COL1A2: variants seen among roughly 807,000 people sequenced by gnomAD.
COL1A2 encodes collagen alpha-2(I) chain.
COL1A2 carries 49 observed loss-of-function variants against 174.3 expected under a neutral mutation model. That is an observed-to-expected ratio of 0.28 (90% CI 0.22 to 0.36). The LOEUF (loss-of-function observed/expected upper bound fraction) is 0.36. COL1A2 is among the 10% of genes least tolerant of loss of function. The probability of loss-of-function intolerance (pLI) is 1.00; values close to 1 mark genes in which losing one functional copy is unlikely to be tolerated. For missense variants in COL1A2, 1,438 were observed against 1,822.7 expected, an observed-to-expected ratio of 0.79 and a Z score of 3.84; for synonymous variants, 655 against 606.6, an observed-to-expected ratio of 1.08 and a Z score of -1.17.
At chr7:94,426,724 T>C (rs1792285690) in intron 46 of COL1A2, 194 bp downstream of exon 46, 2 of 653,820 alleles carry the variant, frequency 3.1e-6, no homozygotes, top group Non-Finnish European at 5.4e-6. Flanking sequence ...TTAAGGGAGA[T>C]AGAAATAGAC....
Position 94,411,167 on chromosome 7 carries a change from C to G in COL1A2, c.1350+13C>G. 1 of 1,554,828 alleles carries G rather than the reference C, an allele frequency of 6.4e-7. No individual in the cohort carries two copies. The highest frequency in any genetic ancestry group is 8.7e-7 in the Non-Finnish European group (1 of 1,145,148). ...CATGGGACCCAGAGTAAGTTTCAAA[C>G]TGATTCTGAGCAAATCACACCTGGC... is the stretch of plus-strand genomic sequence containing the variant. On this transcript the variant is annotated intron_variant, in intron 23 of 51. Transcript: ENST00000297268.
chr7:94,399,635 A>G lies in COL1A2; in HGVS notation c.132+551A>G, dbSNP rs149103478. On this transcript the variant is annotated intron_variant, in intron 4 of 51. Transcript: ENST00000297268. Reference sequence around the variant, plus strand: ...ATATGAATACCTATATCTTATATCTATTAGGAAGAGGAGACTTACATGTAT... The same window carrying G: ...ATATGAATACCTATATCTTATATCTGTTAGGAAGAGGAGACTTACATGTAT... Among the ~76,000 whole-genome samples the G allele has an allele frequency of 2.7e-3, 405 of 152,348 alleles. 1 individual carries two copies. The highest frequency in any genetic ancestry group is 9.3e-3 in the African/African-American group (386 of 41,568).
At chr7:94,411,730 C>T (rs1179725613) in intron 23 of COL1A2, among the ~76,000 whole-genome samples, 3 of 152,140 alleles carry the variant, frequency 2.0e-5, no homozygotes, top group Admixed American at 2.0e-4. Flanking sequence ...AAGAAATCCA[C>T]TTTGGAAATT....
At chr7:94,398,524 TA>T (rs1262242107) in intron 3 of COL1A2, 128 bp downstream of exon 3, 2 of 357,764 alleles carry the variant, frequency 5.6e-6, no homozygotes, top group African/African-American at 4.4e-5. Context: ...ATACATTAGC[TA>T]AAGCATAAAA....
rs2115913386 is a variant in COL1A2 at position 94,415,276 on chromosome 7, T to C, written c.1764+6T>C. 1 of 1,613,402 alleles carries C rather than the reference T, an allele frequency of 6.2e-7. No individual in the cohort carries two copies. The highest frequency in any genetic ancestry group is 2.2e-5 in the East Asian group (1 of 44,858). ...CTGGTCCTGCTGGTCCAAGAGTAAG[T>C]GTTACTTCATTAACTTTCATAAACT... is the stretch of plus-strand genomic sequence containing the variant. On this transcript the variant is annotated splice_donor_region_variant and intron_variant, in intron 30 of 51. Transcript: ENST00000297268.
chr7:94,409,898 A>G (rs1791883055), intron 19 of COL1A2, 77 bp downstream of exon 19: 1 of 1,380,962 alleles, frequency 7.2e-7, no homozygotes, highest in African/African-American at 1.4e-5. Flanking sequence ...CTAGACTTCC[A>G]CTTGTAGTTT....
chr7:94,405,420 T>C (rs929074362), intron 10 of COL1A2, among the ~76,000 whole-genome samples, 168 bp downstream of exon 10: 1 of 152,188 alleles, frequency 6.6e-6, no homozygotes, highest in African/African-American at 2.4e-5. Flanking sequence ...GCATATACAT[T>C]TTATTCATGC....
Position 94,414,235 on chromosome 7 carries a change from C to G in COL1A2, c.1679C>G (p.Pro560Arg). 1 of 1,613,316 alleles carries G rather than the reference C, an allele frequency of 6.2e-7. No individual in the cohort carries two copies. Among genetic ancestry groups the G allele is most frequent in the Non-Finnish European group, 8.5e-7 (1 of 1,179,824 alleles). Residue 560 changes from proline (P) to arginine (R), a missense_variant, in exon 29 of 52, where the codon CCC becomes CGC. Pro to Arg is a moderately radical substitution (Grantham distance 103, BLOSUM62 -2). Around this residue, in one of 3 missense-constraint regions of COL1A2, gnomAD observed 867 missense variants for 1,213.7 expected, o/e 0.71. Coordinates refer to ENST00000297268, the MANE Select transcript of COL1A2 (RefSeq NM_000089.4). ...TTTCATTTTTAGGGTCTGCCTGGCC[C>G]CTCAGGTCCCGCTGGTGAAGTTGGC... Reference protein sequence around the residue: ...GPPGFQGLPGPSGPAGEVGKP... With the variant: ...GPPGFQGLPGRSGPAGEVGKP...
intron 21 of COL1A2, 100 bp from the exon 22 acceptor site, chr7:94,410,789 T>C (rs1275496283): frequency 1.4e-5 from 19 of 1,321,900 alleles, no homozygotes; most frequent in Admixed American, 1.7e-5. Context: ...TTTGTGTCTG[T>C]ATCTCCCCTG....
chr7:94,417,945 A>G, intron 32 of COL1A2, 114 bp downstream of exon 32: 1 of 830,264 alleles, frequency 1.2e-6, no homozygotes, highest in Non-Finnish European at 2.0e-6. Flanking sequence ...TTTCATATCT[A>G]TCTATATACA....
At position 94,397,742 on chromosome 7, in the gene COL1A2, C is replaced by G; in HGVS notation, c.71-6C>G. On this transcript the variant is annotated splice_region_variant and splice_polypyrimidine_tract_variant and intron_variant, in intron 1 of 51. Transcript: ENST00000297268. ...GTTTCCTACTTTTTCTTTTTTTTTT[C>G]TACAGCTTTACAAGAGGTGAGTAAA... is the stretch of plus-strand genomic sequence containing the variant. The G allele has an allele frequency of 8.3e-7, 1 of 1,212,048 alleles. No homozygotes were observed. Among genetic ancestry groups the G allele is most frequent in the Non-Finnish European group, 1.2e-6 (1 of 848,608 alleles). 75.1% of individuals were successfully genotyped at this position (1,212,048 alleles called of 1,614,324 possible).
intron 32 of COL1A2, 141 bp downstream of exon 32, chr7:94,417,972 A>G (rs1584324644): frequency 5.5e-6 from 4 of 728,358 alleles, no homozygotes; most frequent in Non-Finnish European, 7.2e-6. Flanking sequence ...TCTGCCACCT[A>G]GCACCTACAC....
At chr7:94,427,993 T>C (rs1363903676) in intron 49 of COL1A2, 108 bp downstream of exon 49, 3 of 1,228,630 alleles carry the variant, frequency 2.4e-6, no homozygotes, top group Admixed American at 3.9e-5. Flanking sequence ...AAGATTACAT[T>C]ATGTGAAATC....
At chr7:94,405,007 T>A in intron 9 of COL1A2, 115 bp downstream of exon 9, 1 of 1,233,352 alleles carries the variant, frequency 8.1e-7, no homozygotes, top group Non-Finnish European at 1.2e-6. Context: ...CTGACAGAAC[T>A]CTTAATGTAT....
At position 94,430,269 on chromosome 7, in the gene COL1A2, A is replaced by T. The variant is rs943353660; in HGVS notation, c.3977A>T (p.Lys1326Met). Residue 1326 changes from lysine to methionine, a missense_variant, in exon 52 of 52, where the codon AAG becomes ATG. Physicochemically the swap from Lys to Met is moderately conservative, Grantham distance 95. Transcript: ENST00000297268. ...CAGAAAAAGACAAATGAATGGGGAA[A>T]GACAATCATTGAATACAAAACAAAT... is the stretch of plus-strand genomic sequence containing the variant. ...GCSKKTNEWG[K>M]TIIEYKTNKP... 9.9e-6 allele frequency: 16 copies of T among 1,613,994 alleles called. No homozygotes were observed. The highest frequency in any genetic ancestry group is 1.3e-5 in the Non-Finnish European group (15 of 1,179,886).
chr7:94,411,223 A>G (rs780523903), intron 23 of COL1A2, 69 bp downstream of exon 23: 1 of 1,211,914 alleles, frequency 8.3e-7, no homozygotes, highest in Non-Finnish European at 1.2e-6. Context: ...GTTGGTTAAT[A>G]TTGAAGATAA....
chr7:94,418,343 A>G (rs1465589413), intron 32 of COL1A2, among the ~76,000 whole-genome samples, 156 bp from the exon 33 acceptor site: 1 of 152,228 alleles, frequency 6.6e-6, no homozygotes, highest in East Asian at 1.9e-4. Flanking sequence ...CTCGATTAAC[A>G]TTCTACAGAA....
chr7:94,398,473 A>G (rs1174140987), intron 3 of COL1A2, 77 bp downstream of exon 3: 6 of 611,332 alleles, frequency 9.8e-6, no homozygotes, highest in African/African-American at 2.0e-5. Context: ...ATAGTAGACT[A>G]TAGAAGGAAA....
At chr7:94,416,269 G>A (rs966356369) in intron 30 of COL1A2, 136 bp from the exon 31 acceptor site, 11 of 707,146 alleles carry the variant, frequency 1.6e-5, no homozygotes, top group Non-Finnish European at 2.6e-5. Flanking sequence ...GGAGAGATTA[G>A]GAACAAAAGA....
Sources: allele counts gnomAD v4.1 joint callset (sites outside exome capture counted in the v4.1 genomes callset), GRCh38; gene constraint gnomAD v4.1.1; regional missense constraint gnomAD v4.1.1; transcripts MANE v1.5; gene names NCBI Gene and HGNC (gene_info 2026-07-23, HGNC 2026-07-21).